The following PRUNE2 variants were observed in gnomAD, a reference collection of about 807,000 sequenced individuals.
PRUNE2 encodes prune homolog 2 with BCH domain.
PRUNE2 carries 164 observed loss-of-function variants against 252.0 expected under a neutral mutation model. The observed-to-expected ratio is 0.65, with a 90% CI of 0.57 to 0.74. The LOEUF (loss-of-function observed/expected upper bound fraction) is 0.74, where lower values mean the gene tolerates loss of function less well. Ranked by LOEUF, PRUNE2 falls within the 30% of genes least tolerant of loss-of-function variation. The probability of loss-of-function intolerance (pLI) is 0.00; values close to 1 mark genes in which losing one functional copy is unlikely to be tolerated. For missense variants in PRUNE2, 3,495 were observed against 3,711.0 expected, an observed-to-expected ratio of 0.94 and a Z score of 1.51; for synonymous variants, 1,292 against 1,350.2, an observed-to-expected ratio of 0.96 and a Z score of 0.94.
At position 76,652,566 on chromosome 9, in the gene PRUNE2, A is replaced by C. The variant is rs756580437; in HGVS notation, c.8474T>G (p.Leu2825Trp). ...SEGSILSDDN[L>W]DSPDEIDINV... ...GATGTCAATTTCATCTGGACTGTCC[A>C]AGTTATCATCAGAGAGAATAGATCC... The change falls in exon 11 of 19, where the codon TTG becomes TGG. Residue 2825 changes from leucine (L) to tryptophan (W), a missense_variant. Physicochemically the swap from Leu to Trp is moderately conservative, Grantham distance 61. Coordinates refer to ENST00000376718, the MANE Select transcript of PRUNE2 (RefSeq NM_015225.3). 1 of 1,613,344 alleles carries C rather than the reference A, an allele frequency of 6.2e-7. No individual in the cohort carries two copies.
At chr9:76,774,469 T>TATTTATTTATTTATTTATTTA (rs1172601108) in intron 6 of PRUNE2, among the ~76,000 whole-genome samples, 4 of 140,088 alleles carry the variant, frequency 2.9e-5, no homozygotes, top group African/African-American at 8.0e-5. Context: ...TTTTTTTTTT[T>TATTTATTTATTTATTTATTTA]TTTTTTTTGA....
chr9:76,904,254 G>A (rs1011867355), intron 1 of PRUNE2, among the ~76,000 whole-genome samples: 5 of 151,576 alleles, frequency 3.3e-5, no homozygotes, highest in Non-Finnish European at 5.9e-5. Flanking sequence ...TAATGATGTA[G>A]AGCAATTGCT....
intron 9 of PRUNE2, among the ~76,000 whole-genome samples, chr9:76,679,269 T>C (rs2043159122): frequency 6.6e-6 from 1 of 152,200 alleles, no homozygotes; most frequent in Non-Finnish European, 1.5e-5. Context: ...TTTCAGTAAT[T>C]TTGTTAAAAA....
rs757403934 is a variant in PRUNE2, at chr9:76,711,131, C to A, written c.1143G>T (p.Gly381=). 1.7e-5 allele frequency: 27 copies of A among 1,613,788 alleles called. No homozygotes were observed. Among genetic ancestry groups the A allele is most frequent in the Non-Finnish European group, 5.1e-6 (6 of 1,179,856 alleles). The change falls in exon 8 of 19, where the codon GGG becomes GGT. Residue 381 remains glycine (G), a synonymous_variant. Transcript: ENST00000376718. ...CATACAATTCCATAATCCCAGAAGA[C>A]CCCTGGGAGAGGGGGGCACTGCCTG... ...AVAGSAPLSQ[G]SSGIMELYGS... is the part of the protein sequence containing the mutation.
chr9:76,729,919 A>G (rs1373461982), intron 6 of PRUNE2, among the ~76,000 whole-genome samples: 1 of 152,208 alleles, frequency 6.6e-6, no homozygotes, highest in Non-Finnish European at 1.5e-5. Flanking sequence ...ACAGACTCCT[A>G]CATTTTTACA....
intron 6 of PRUNE2, among the ~76,000 whole-genome samples, chr9:76,768,163 T>C (rs1470599060): frequency 6.6e-6 from 1 of 152,000 alleles, no homozygotes; most frequent in African/African-American, 2.4e-5. Flanking sequence ...TGGCTATACC[T>C]TGCCCTTGAA....
intron 9 of PRUNE2, among the ~76,000 whole-genome samples, chr9:76,659,728 G>T (rs1033071942): frequency 1.3e-4 from 20 of 152,054 alleles, no homozygotes; most frequent in African/African-American, 4.3e-4. Flanking sequence ...TCCTCTGAGT[G>T]TTGTGTCAGC....
chr9:76,853,396 A>G (rs1055694940), intron 2 of PRUNE2, among the ~76,000 whole-genome samples: 10 of 152,186 alleles, frequency 6.6e-5, no homozygotes, highest in African/African-American at 2.4e-4. Flanking sequence ...CACTCATAAC[A>G]TACATTTTTA....
In PRUNE2 at chr9:76,826,494, T is replaced by C. The variant is rs143598589; in HGVS notation, c.661+86A>G. On this transcript the variant is annotated intron_variant, in intron 5 of 18. Transcript: ENST00000376718. ...TATAAAAAACAAACAAAGAAACAAA[T>C]ATACCTTCTCAGGTCTGATGATGCT... The C allele has an allele frequency of 1.8e-5, 18 of 990,084 alleles. No individual in the cohort carries two copies. In the African/African-American group the frequency reaches 2.3e-4, roughly 13 times the overall value. 61.3% of individuals were successfully genotyped at this position (990,084 alleles called of 1,614,324 possible). A position where few individuals can be genotyped will look rare whatever the true frequency, so the allele number is the denominator to read the frequency against.
intron 1 of PRUNE2, chr9:76,856,977 C>T: frequency 4.6e-6 from 2 of 437,258 alleles, no homozygotes; most frequent in Non-Finnish European, 9.2e-6. Flanking sequence ...TGGTCTCAAA[C>T]TCCTGACCTC....
chr9:76,620,842 A>G (rs1487770876), intron 17 of PRUNE2, among the ~76,000 whole-genome samples: 2 of 152,226 alleles, frequency 1.3e-5, no homozygotes, highest in East Asian at 3.8e-4. Flanking sequence ...CCTCCCAAGG[A>G]AAACAGCAAT....
intron 9 of PRUNE2, among the ~76,000 whole-genome samples, chr9:76,677,086 C>T (rs2042722801): frequency 6.6e-6 from 1 of 152,192 alleles, no homozygotes; most frequent in Non-Finnish European, 1.5e-5. Context: ...ATTCATCTTT[C>T]GCAATAGGTT....
At chr9:76,896,180 A>G (rs566913527) in intron 1 of PRUNE2, among the ~76,000 whole-genome samples, 1 of 152,164 alleles carries the variant, frequency 6.6e-6, no homozygotes, top group African/African-American at 2.4e-5. Context: ...CTCCCTTTCC[A>G]TCATCCCCTT....
intron 9 of PRUNE2, among the ~76,000 whole-genome samples, chr9:76,696,281 A>G (rs1263547973): frequency 6.6e-6 from 1 of 152,200 alleles, no homozygotes; most frequent in African/African-American, 2.4e-5. Flanking sequence ...AATCGTGCAC[A>G]GGAACATCTC....
chr9:76,752,120 C>T (rs1330461128), intron 6 of PRUNE2, among the ~76,000 whole-genome samples: 2 of 144,564 alleles, frequency 1.4e-5, no homozygotes, highest in Non-Finnish European at 3.0e-5. Context: ...TTTTTTGAGA[C>T]GGAGTCTCAC....
Position 76,703,725 on chromosome 9 carries a change from C to A in PRUNE2, c.7888G>T (p.Asp2630Tyr). ...TRSSFESPAQ[D>Y]QSWMFLGHSE... ...TGGCCCAAGAACATCCAACTCTGGT[C>A]TTGTGCAGGGCTTTCAAAAGATGAT... Residue 2630 changes from aspartate to tyrosine, a missense_variant, in exon 9 of 19, where the codon GAC (aspartate) becomes TAC (tyrosine). Physicochemically the swap from Asp to Tyr is radical, Grantham distance 160 (BLOSUM62 -3). Coordinates refer to ENST00000376718, the MANE Select transcript of PRUNE2 (RefSeq NM_015225.3). The A allele has an allele frequency of 6.2e-7, 1 of 1,613,642 alleles. No homozygotes were observed. The highest frequency in any genetic ancestry group is 8.5e-7 in the Non-Finnish European group (1 of 1,179,872).
chr9:76,800,833 C>G (rs2056502255), intron 6 of PRUNE2, among the ~76,000 whole-genome samples: 1 of 152,138 alleles, frequency 6.6e-6, no homozygotes, highest in Non-Finnish European at 1.5e-5. Context: ...GAAACAAACA[C>G]TGAATAACAT....
intron 6 of PRUNE2, among the ~76,000 whole-genome samples, chr9:76,733,083 T>C (rs536451408): frequency 1.3e-5 from 2 of 152,276 alleles, no homozygotes; most frequent in East Asian, 3.9e-4. Flanking sequence ...TAGAGTCATT[T>C]TTCTACCTGC....
intron 9 of PRUNE2, among the ~76,000 whole-genome samples, chr9:76,693,164 AT>A (rs1479119321): frequency 6.6e-6 from 1 of 152,246 alleles, no homozygotes; most frequent in Admixed American, 6.5e-5. Flanking sequence ...ATAGAAAGGC[AT>A]GTGTTTATTT....
Sources: allele counts gnomAD v4.1 joint callset (sites outside exome capture counted in the v4.1 genomes callset), GRCh38; gene constraint gnomAD v4.1.1; transcripts MANE v1.5; gene names NCBI Gene and HGNC (gene_info 2026-07-23, HGNC 2026-07-21).